The following CNTNAP5 variants were observed in gnomAD, a reference collection of about 807,000 sequenced individuals.
CNTNAP5 encodes the protein contactin-associated protein-like 5.
In CNTNAP5, 72 loss-of-function variants were observed where a neutral mutation model predicts 150.2. That is an observed-to-expected ratio of 0.48 (90% CI 0.40 to 0.58). The LOEUF is 0.58. CNTNAP5 is among the 20% of genes least tolerant of loss of function. The probability of loss-of-function intolerance (pLI) is 0.00; values close to 1 mark genes in which losing one functional copy is unlikely to be tolerated. For missense variants in CNTNAP5, 1,636 were observed against 1,626.2 expected, an observed-to-expected ratio of 1.01 and a Z score of -0.10; for synonymous variants, 672 against 619.8, an observed-to-expected ratio of 1.08 and a Z score of -1.25.
intron 10 of CNTNAP5, among the ~76,000 whole-genome samples, chr2:124,558,565 C>T (rs138962670): frequency 6.6e-6 from 1 of 152,300 alleles, no homozygotes; most frequent in African/African-American, 2.4e-5. Flanking sequence ...TTTGCTTTGA[C>T]TTTGCTCAGT....
chr2:124,885,876 A>T (rs1240361632), intron 21 of CNTNAP5, among the ~76,000 whole-genome samples: 2 of 152,046 alleles, frequency 1.3e-5, no homozygotes, highest in Non-Finnish European at 2.9e-5. Context: ...TTTGATGAAC[A>T]TTTGAATTGT....
chr2:124,120,880 C>A (rs1683544063), intron 1 of CNTNAP5, among the ~76,000 whole-genome samples: 1 of 152,108 alleles, frequency 6.6e-6, no homozygotes, highest in South Asian at 2.1e-4. Context: ...AGTCTTGGTT[C>A]AAAAGATGCT....
At chr2:124,575,839 C>T (rs1279111185) in intron 11 of CNTNAP5, among the ~76,000 whole-genome samples, 1 of 152,166 alleles carries the variant, frequency 6.6e-6, no homozygotes, top group Non-Finnish European at 1.5e-5. Context: ...ATTGTTGGCA[C>T]TACCTTGAAA....
intron 3 of CNTNAP5, among the ~76,000 whole-genome samples, chr2:124,267,050 GATCT>G (rs1395717412): frequency 2.0e-5 from 3 of 150,980 alleles, no homozygotes; most frequent in Non-Finnish European, 4.4e-5. Flanking sequence ...GACATTATCT[GATCT>G]ATCTCTCCAG....
intron 3 of CNTNAP5, among the ~76,000 whole-genome samples, chr2:124,370,844 T>C (rs1201537496): frequency 6.6e-6 from 1 of 152,154 alleles, no homozygotes; most frequent in Non-Finnish European, 1.5e-5. Flanking sequence ...AACATGCACA[T>C]TTATTTCATA....
intron 11 of CNTNAP5, among the ~76,000 whole-genome samples, chr2:124,589,327 G>A (rs919778661): frequency 1.3e-5 from 2 of 152,130 alleles, no homozygotes; most frequent in Middle Eastern, 3.4e-3. Context: ...CATTTAGCAC[G>A]TTTTCACGAT....
At chr2:124,650,720 C>T (rs943192994) in intron 13 of CNTNAP5, among the ~76,000 whole-genome samples, 2 of 152,284 alleles carry the variant, frequency 1.3e-5, no homozygotes, top group African/African-American at 4.8e-5. Flanking sequence ...TTGTCACACA[C>T]AGGAAATGTA....
chr2:124,424,385 T>A (rs531675452), intron 4 of CNTNAP5, among the ~76,000 whole-genome samples: 1 of 152,154 alleles, frequency 6.6e-6, no homozygotes, highest in Admixed American at 6.5e-5. Flanking sequence ...ATGACAGCAG[T>A]CAGACCTGGG....
Position 124,219,569 on chromosome 2 carries a change from G to A in CNTNAP5, c.83-2136G>A, listed in dbSNP as rs114925143. ...GAAGGCTTCTGTGAATGTAGATACC[G>A]TATTGATGCTTAAGACCTATATATG... On this transcript the variant is annotated intron_variant, in intron 1 of 23. Coordinates refer to ENST00000682447, the MANE Select transcript of CNTNAP5 (RefSeq NM_001367498.1). Among the ~76,000 whole-genome samples, 1,185 of 152,112 alleles carry A rather than the reference G, an allele frequency of 7.8e-3. 15 individuals carry two copies. Among genetic ancestry groups the A allele is most frequent in the African/African-American group, 0.026 (1,096 of 41,512 alleles).
intron 10 of CNTNAP5, among the ~76,000 whole-genome samples, chr2:124,545,592 G>T (rs1237083401): frequency 6.6e-6 from 1 of 152,096 alleles, no homozygotes; most frequent in Admixed American, 6.6e-5. Flanking sequence ...CAGTTTGCTT[G>T]CATGAGTCAT....
At position 124,852,887 on chromosome 2, in the gene CNTNAP5, A is replaced by G. The variant is rs538785863; in HGVS notation, c.3218-12419A>G. Among the ~76,000 whole-genome samples the G allele has an allele frequency of 6.6e-4, 101 of 152,312 alleles. 1 individual carries two copies. The highest frequency in any genetic ancestry group is 2.3e-3 in the African/African-American group (96 of 41,576). On this transcript the variant is annotated intron_variant, in intron 19 of 23. Transcript: ENST00000682447. ...AGAAAATGAAACAAAAGAAACAAGT[A>G]TGGCTCCTAGAATTTTAACCTGAGC...
chr2:124,257,362 A>G lies in CNTNAP5; in HGVS notation c.381+14969A>G, dbSNP rs1687339123. Among the ~76,000 whole-genome samples, 4 of 152,296 alleles carry G rather than the reference A, an allele frequency of 2.6e-5. No homozygotes were observed. The South Asian group carries it at 8.3e-4, about 32-fold the overall frequency. Reference sequence around the variant, plus strand: ...CACTGAACACAGCAGCCTGCACACAATAATTTGTATTCCTCCAGGGCACCT... The same window carrying G: ...CACTGAACACAGCAGCCTGCACACAGTAATTTGTATTCCTCCAGGGCACCT... On this transcript the variant is annotated intron_variant, in intron 3 of 23. Coordinates refer to ENST00000682447, the MANE Select transcript of CNTNAP5 (RefSeq NM_001367498.1).
Position 124,919,824 on chromosome 2 carries a change from C to T in CNTNAP5, c.*5536C>T, listed in dbSNP as rs1678838958. 1.3e-5 allele frequency among the ~76,000 whole-genome samples: 2 copies of T among 151,774 alleles called. No individual in the cohort carries two copies. Among genetic ancestry groups the T allele is most frequent in the Admixed American group, 1.3e-4 (2 of 15,216 alleles). On this transcript the variant is annotated 3_prime_UTR_variant, in exon 24 of 24. Coordinates refer to ENST00000682447, the MANE Select transcript of CNTNAP5 (RefSeq NM_001367498.1). ...AGAACTATTATTATAATTATCTAACCTGCCCAGGTTAAGCACCCAGATGCA... is the reference window on the plus strand; with the variant it reads ...AGAACTATTATTATAATTATCTAACTTGCCCAGGTTAAGCACCCAGATGCA...
rs1201806036 is a variant in CNTNAP5, at chr2:124,914,824, A to G, written c.*536A>G. On this transcript the variant is annotated 3_prime_UTR_variant, in exon 24 of 24. Transcript: ENST00000682447. ...TTTGTGGTGGTTTGCTTTCTTTACC[A>G]TAAGCAATCCCTTGCCTTAACTCAT... The G allele has an allele frequency of 6.6e-6, 1 of 152,324 alleles. No individual in the cohort carries two copies. Among genetic ancestry groups the G allele is most frequent in the Non-Finnish European group, 1.5e-5 (1 of 68,252 alleles). The allele number at this position is 152,324 out of a possible 1,614,324, so 9.4% of individuals were successfully genotyped here.
intron 13 of CNTNAP5, among the ~76,000 whole-genome samples, chr2:124,654,999 T>A (rs1013407457): frequency 6.6e-6 from 1 of 151,972 alleles, no homozygotes; most frequent in African/African-American, 2.4e-5. Flanking sequence ...TATTATACTT[T>A]AGGTTCTGGG....
chr2:124,462,728 G>C (rs1693282092), intron 6 of CNTNAP5, among the ~76,000 whole-genome samples: 1 of 152,130 alleles, frequency 6.6e-6, no homozygotes, highest in South Asian at 2.1e-4. Context: ...GTAAGCCTGA[G>C]GCAAGAGTAC....
At chr2:124,109,174 T>A (rs898353883) in intron 1 of CNTNAP5, among the ~76,000 whole-genome samples, 7 of 152,122 alleles carry the variant, frequency 4.6e-5, no homozygotes, top group Admixed American at 4.6e-4. Flanking sequence ...ATTAATTTTG[T>A]ATTTAAATTT....
At position 124,431,508 on chromosome 2, in the gene CNTNAP5, GATAT is replaced by G. The variant is rs201654852; in HGVS notation, c.530-2958_530-2955del. The stretch of plus-strand genomic sequence containing the variant: ...ATTGCTTGGACAAAAAAGTGTCAAA[GATAT>G]ATATATATATATATATAAAATTTCT... On this transcript the variant is annotated intron_variant, in intron 4 of 23. Transcript: ENST00000682447. Among the ~76,000 whole-genome samples, 7 of 114,256 alleles carry G rather than the reference GATAT, an allele frequency of 6.1e-5. No individual in the cohort carries two copies. The East Asian group carries it at 1.8e-3, about 29-fold the overall frequency. The allele number at this position is 114,256 out of a possible 152,430, so 75.0% of individuals were successfully genotyped here. A position where few individuals can be genotyped will look rare whatever the true frequency, so the allele number is the denominator to read the frequency against.
At chr2:124,799,309 A>C (rs949619006) in intron 19 of CNTNAP5, among the ~76,000 whole-genome samples, 1 of 152,242 alleles carries the variant, frequency 6.6e-6, no homozygotes, top group African/African-American at 2.4e-5. Context: ...TAGGATGGCT[A>C]CTGCGAGTTA....
Sources: gnomAD v4.1 joint callset for allele counts (sites outside exome capture counted in the v4.1 genomes callset) on GRCh38, gnomAD v4.1.1 for gene constraint, MANE v1.5 for transcripts, NCBI Gene and HGNC (gene_info 2026-07-23, HGNC 2026-07-21) for gene names.